The following PI4KA variants were observed in gnomAD, a reference collection of about 807,000 sequenced individuals.
PI4KA encodes the protein phosphatidylinositol 4-kinase alpha, also known as PI4-kinase alpha.
In PI4KA, 122 loss-of-function variants were observed where a neutral mutation model predicts 271.4. That is an observed-to-expected ratio of 0.45 (90% CI 0.39 to 0.52). PI4KA has a LOEUF of 0.52. Among genes scored for constraint, PI4KA ranks in the 20% least tolerant of loss-of-function variants. PI4KA has a pLI of 0.00. For missense variants in PI4KA, 1,969 were observed against 2,769.1 expected, an observed-to-expected ratio of 0.71 and a Z score of 6.48; for synonymous variants, 1,041 against 1,078.8, an observed-to-expected ratio of 0.96 and a Z score of 0.69.
At chr22:20,822,143 C>G (rs1357174341) in intron 4 of PI4KA, among the ~76,000 whole-genome samples, 1 of 152,136 alleles carries the variant, frequency 6.6e-6, no homozygotes, top group Non-Finnish European at 1.5e-5. Flanking sequence ...CTCCTGGACT[C>G]AAGCAATCCT....
intron 23 of PI4KA, among the ~76,000 whole-genome samples, chr22:20,760,060 A>G (rs887078251): frequency 1.4e-4 from 21 of 152,220 alleles, no homozygotes; most frequent in Admixed American, 3.3e-4. Flanking sequence ...CTCCATAAGC[A>G]AGAACAAGTT....
chr22:20,833,264 A>C (rs1274428778), intron 3 of PI4KA, among the ~76,000 whole-genome samples: 2 of 151,920 alleles, frequency 1.3e-5, no homozygotes, highest in South Asian at 2.1e-4. Flanking sequence ...GCAGCACTGG[A>C]GGGGTTGAGG....
intron 52 of PI4KA, chr22:20,710,435 G>A (rs1925104835): frequency 3.5e-6 from 2 of 564,342 alleles, no homozygotes; most frequent in Non-Finnish European, 6.4e-6. Flanking sequence ...TGGTGACAGG[G>A]TGGATGGGAT....
intron 6 of PI4KA, 79 bp downstream of exon 6, chr22:20,819,562 C>T (rs1922328307): frequency 5.2e-6 from 7 of 1,342,212 alleles, no homozygotes; most frequent in Non-Finnish European, 7.2e-6. Context: ...ACTCCAACTA[C>T]AAAGAAGAGG....
chr22:20,745,593 A>T (rs1316130890), intron 29 of PI4KA, among the ~76,000 whole-genome samples: 1 of 152,192 alleles, frequency 6.6e-6, no homozygotes, highest in Admixed American at 6.5e-5. Context: ...TCATGAAATT[A>T]TTAAACTGGT....
chr22:20,744,114 T>C (rs1182030546), intron 30 of PI4KA, among the ~76,000 whole-genome samples: 1 of 152,102 alleles, frequency 6.6e-6, no homozygotes, highest in Non-Finnish European at 1.5e-5. Context: ...TCTGAGTTTA[T>C]GGAGCAGGAA....
Position 20,793,196 on chromosome 22 carries a change from A to T in PI4KA, c.2325T>A (p.Ala775=). ...CATTCAATTAATGAATACTCACCACAGCTATTACAGGAATGAGTACTCCCA... is the reference window on the plus strand; with the variant it reads ...CATTCAATTAATGAATACTCACCACTGCTATTACAGGAATGAGTACTCCCA... ...GNLGVLIPVI[A]VLTRRLPPIK... Residue 775 remains alanine, a synonymous_variant, in exon 19 of 55, where the codon GCT becomes GCA. Coordinates refer to ENST00000255882, the MANE Select transcript of PI4KA (RefSeq NM_058004.4). The T allele has an allele frequency of 6.5e-7, 1 of 1,538,490 alleles. No homozygotes were observed.
At chr22:20,835,071 T>C (rs966386817) in intron 2 of PI4KA, among the ~76,000 whole-genome samples, 4 of 151,982 alleles carry the variant, frequency 2.6e-5, no homozygotes, top group African/African-American at 9.7e-5. Flanking sequence ...AAGCTCACAA[T>C]GCGGGCATCT....
At chr22:20,812,516 C>A (rs1921184619) in intron 8 of PI4KA, among the ~76,000 whole-genome samples, 1 of 152,122 alleles carries the variant, frequency 6.6e-6, no homozygotes, top group South Asian at 2.1e-4. Flanking sequence ...CTTGAACCAT[C>A]CTAGCTTGAT....
intron 23 of PI4KA, among the ~76,000 whole-genome samples, chr22:20,758,459 C>CTTTTTTTTTTTTTTTTTTTTT (rs35401829): frequency 7.1e-5 from 6 of 85,006 alleles, no homozygotes; most frequent in Non-Finnish European, 1.1e-4. Context: ...TCTTTCTTTT[C>CTTTTTTTTTTTTTTTTTTTTT]TTTTTTTTTT....
Position 20,714,445 on chromosome 22 carries a change from G to T in PI4KA, c.5461+13C>A, listed in dbSNP as rs781476813. 4 of 1,605,656 alleles carry T rather than the reference G, an allele frequency of 2.5e-6. No homozygotes were observed. In the South Asian group the frequency reaches 4.4e-5, roughly 18 times the overall value. On this transcript the variant is annotated intron_variant, in intron 47 of 54. Transcript: ENST00000255882. ...CACTGAGCTCCCAAACAAAATCAGG[G>T]TTCTTTACTGACCTTCTTTTTCAAG...
At chr22:20,742,519 C>T in intron 31 of PI4KA, 89 bp downstream of exon 31, 1 of 1,560,176 alleles carries the variant, frequency 6.4e-7, no homozygotes, top group Non-Finnish European at 8.8e-7. Flanking sequence ...TGCTCTTTCT[C>T]CGGCCAGTAC....
At chr22:20,827,983 T>C (rs1923662835) in intron 3 of PI4KA, among the ~76,000 whole-genome samples, 1 of 152,032 alleles carries the variant, frequency 6.6e-6, no homozygotes, top group African/African-American at 2.4e-5. Context: ...TTAGCAGAGA[T>C]GGGTTTCACC....
chr22:20,716,093 C>T (rs533972037), intron 45 of PI4KA, among the ~76,000 whole-genome samples: 18 of 152,240 alleles, frequency 1.2e-4, no homozygotes, highest in African/African-American at 4.1e-4. Flanking sequence ...CACTGTCATC[C>T]AGGCTGGAGC....
At chr22:20,799,885 C>T (rs986852015) in intron 14 of PI4KA, 119 bp from the exon 15 acceptor site, 2 of 624,554 alleles carry the variant, frequency 3.2e-6, no homozygotes, top group Non-Finnish European at 5.5e-6. Flanking sequence ...ATTTTCTTCC[C>T]CCCAAATTGG....
At chr22:20,784,407 G>C (rs535328225) in intron 19 of PI4KA, among the ~76,000 whole-genome samples, 4 of 152,266 alleles carry the variant, frequency 2.6e-5, no homozygotes, top group African/African-American at 7.2e-5. Flanking sequence ...TTTGTTGCTT[G>C]AGATAAGAGA....
intron 12 of PI4KA, 87 bp downstream of exon 12, chr22:20,804,213 G>A (rs1258140622): frequency 1.1e-6 from 1 of 885,368 alleles, no homozygotes; most frequent in Non-Finnish European, 1.9e-6. Flanking sequence ...CTGCTGGTGT[G>A]CCCACCACAG....
chr22:20,739,572 C>T (rs541628310), intron 32 of PI4KA, among the ~76,000 whole-genome samples: 1 of 151,402 alleles, frequency 6.6e-6, no homozygotes, highest in South Asian at 2.1e-4. Context: ...GTACAATGTC[C>T]AGTATAGAAA....
intron 1 of PI4KA, among the ~76,000 whole-genome samples, chr22:20,851,183 G>C (rs1310140377): frequency 9.2e-6 from 1 of 108,496 alleles, no homozygotes; most frequent in Non-Finnish European, 1.8e-5. Context: ...AACACAGTGA[G>C]ACCCTATCTA....
Sources: gnomAD v4.1 joint callset for allele counts (sites outside exome capture counted in the v4.1 genomes callset) on GRCh38, gnomAD v4.1.1 for gene constraint, MANE v1.5 for transcripts, NCBI Gene and HGNC (gene_info 2026-07-23, HGNC 2026-07-21) for gene names.